LDLRAD4: variants seen among roughly 807,000 people sequenced by gnomAD.
LDLRAD4 encodes the protein low-density lipoprotein receptor class A domain-containing protein 4.
LDLRAD4 carries 5 observed loss-of-function variants against 17.0 expected under a neutral mutation model. The observed-to-expected ratio is 0.29, with a 90% CI of 0.15 to 0.62. The LOEUF is 0.62. LDLRAD4 is among the 20% of genes least tolerant of loss of function. The pLI, the probability that LDLRAD4 is intolerant of heterozygous loss-of-function variation, is 0.84. For synonymous variants in LDLRAD4, 168 were observed against 171.8 expected (o/e 0.98, Z 0.17); for missense variants, 340 against 424.7 (o/e 0.80, Z 1.75).
intron 2 of LDLRAD4, among the ~76,000 whole-genome samples, chr18:13,394,385 GA>G (rs2086497322): frequency 6.6e-6 from 1 of 152,032 alleles, no homozygotes; most frequent in Non-Finnish European, 1.5e-5. Context: ...ATAAGGATGA[GA>G]AATAATTTCA....
At chr18:13,550,306 G>A (rs1345146892) in intron 3 of LDLRAD4, among the ~76,000 whole-genome samples, 1 of 152,132 alleles carries the variant, frequency 6.6e-6, no homozygotes, top group Non-Finnish European at 1.5e-5. Context: ...ATAGGCAAAT[G>A]GTTTCATTCA....
chr18:13,652,512 G>A (rs746684560), exon 6 of LDLRAD4: 2 of 152,538 alleles, frequency 1.3e-5, no homozygotes, highest in Non-Finnish European at 2.9e-5. Context: ...ACAAACATTC[G>A]TGCTTACTTT....
intron 1 of LDLRAD4, among the ~76,000 whole-genome samples, chr18:13,330,351 T>A (rs1204805996): frequency 6.6e-6 from 1 of 152,184 alleles, no homozygotes; most frequent in Non-Finnish European, 1.5e-5. Flanking sequence ...AAATGTGGTA[T>A]TTTTTATTGT....
upstream of LDLRAD4, among the ~76,000 whole-genome samples, chr18:13,274,841 A>G (rs77161681): frequency 4.3e-3 from 660 of 152,330 alleles, 1 homozygote; most frequent in African/African-American, 0.015. Context: ...CTTGATTAAA[A>G]TAGTTAAAAA....
chr18:13,492,270 G>A (rs905292039), intron 3 of LDLRAD4, among the ~76,000 whole-genome samples: 6 of 152,246 alleles, frequency 3.9e-5, no homozygotes, highest in African/African-American at 1.2e-4. Flanking sequence ...ACGGAAAGGT[G>A]AATCCTGGAT....
chr18:13,624,598 G>A (rs2040951840), intron 4 of LDLRAD4, among the ~76,000 whole-genome samples: 1 of 152,200 alleles, frequency 6.6e-6, no homozygotes, highest in Admixed American at 6.5e-5. Flanking sequence ...GCTGTAGGAG[G>A]TGTTTGGGGC....
At chr18:13,445,379 G>C (rs1337647987) in intron 3 of LDLRAD4, among the ~76,000 whole-genome samples, 1 of 152,114 alleles carries the variant, frequency 6.6e-6, no homozygotes, top group Non-Finnish European at 1.5e-5. Flanking sequence ...GTGTGAGTCT[G>C]GTGTGTGCAT....
chr18:13,412,507 T>TTC (rs1305114948), intron 2 of LDLRAD4, among the ~76,000 whole-genome samples: 8 of 152,218 alleles, frequency 5.3e-5, no homozygotes, highest in Admixed American at 2.0e-4. Context: ...ATTCATTCAC[T>TTC]TCTCTCTCAT....
Position 13,367,669 on chromosome 18 carries a change from C to G in LDLRAD4, c.-382-19672C>G, listed in dbSNP as rs542191764. 6.6e-6 allele frequency among the ~76,000 whole-genome samples: 1 copy of G among 151,948 alleles called. No individual in the cohort carries two copies. Among genetic ancestry groups the G allele is most frequent in the South Asian group, 2.1e-4 (1 of 4,790 alleles). Reference sequence around the variant, plus strand: ...CCCCATCTGCTGTCAAGGAGTGTGCCGAGAGGGGACAGCCGGGCACGGGGG... The same window carrying G: ...CCCCATCTGCTGTCAAGGAGTGTGCGGAGAGGGGACAGCCGGGCACGGGGG... On this transcript the variant is annotated intron_variant, in intron 1 of 5. Coordinates refer to ENST00000359446, the Ensembl canonical transcript of LDLRAD4. This position sits in a 1 kb window ranked among gnomAD's most constrained non-coding sequence, Gnocchi z 4.1.
chr18:13,384,500 C>T (rs184440134), intron 1 of LDLRAD4, among the ~76,000 whole-genome samples: 1 of 152,298 alleles, frequency 6.6e-6, no homozygotes, highest in Non-Finnish European at 1.5e-5. Flanking sequence ...CAATGCAGTA[C>T]GTCACTAAAA....
At position 13,408,171 on chromosome 18, in the gene LDLRAD4, C is replaced by T. The variant is rs138140560; in HGVS notation, c.40+20409C>T. On this transcript the variant is annotated intron_variant, in intron 2 of 5. Transcript: ENST00000359446. ...AGAGGATCACTTGAGGCTGGGAGTT[C>T]GAGACCAGCTTGGGCAACATGGCGA... is the stretch of plus-strand genomic sequence containing the variant. Among the ~76,000 whole-genome samples, 1,340 of 152,028 alleles carry T rather than the reference C, an allele frequency of 8.8e-3. 23 individuals are homozygous for T. Among genetic ancestry groups the T allele is most frequent in the African/African-American group, 0.031 (1,268 of 41,472 alleles).
chr18:13,388,944 A>C (rs192514540), intron 2 of LDLRAD4, among the ~76,000 whole-genome samples: 1 of 152,280 alleles, frequency 6.6e-6, no homozygotes, highest in African/African-American at 2.4e-5. Flanking sequence ...CGTGCTGGTT[A>C]GCTTGGCAGC....
At chr18:13,612,157 T>A (rs1367553456) in intron 3 of LDLRAD4, 1 of 986,192 alleles carries the variant, frequency 1.0e-6, no homozygotes, top group East Asian at 1.1e-4. Context: ...TCCTCCTTTC[T>A]GTCTGGACTG....
chr18:13,346,190 C>G (rs1319948597), intron 1 of LDLRAD4, among the ~76,000 whole-genome samples: 2 of 152,078 alleles, frequency 1.3e-5, no homozygotes, highest in African/African-American at 4.8e-5. Flanking sequence ...AATTTTAGAT[C>G]TTCCTGCTTT....
intron 3 of LDLRAD4, among the ~76,000 whole-genome samples, chr18:13,609,534 T>TGTGTGTGC (rs1179837616): frequency 6.9e-5 from 1 of 14,494 alleles, no homozygotes; most frequent in Non-Finnish European, 5.1e-4. Flanking sequence ...TGTGTGCGTG[T>TGTGTGTGC]GTGTGTGTGT....
intron 3 of LDLRAD4, among the ~76,000 whole-genome samples, chr18:13,448,469 G>A (rs12456399): frequency 0.51 from 77,137 of 152,022 alleles, 21,123 homozygotes; most frequent in East Asian, 0.84. Flanking sequence ...AATCCCCAGC[G>A]CCTGCCTGGC....
intron 1 of LDLRAD4, among the ~76,000 whole-genome samples, chr18:13,368,778 T>C (rs1428783501): frequency 1.3e-5 from 2 of 152,242 alleles, no homozygotes; most frequent in Non-Finnish European, 2.9e-5. Flanking sequence ...ACTAGCTTAA[T>C]TTGCACTCTT....
At chr18:13,478,893 G>C (rs779989335) in intron 3 of LDLRAD4, among the ~76,000 whole-genome samples, 2 of 152,340 alleles carry the variant, frequency 1.3e-5, no homozygotes, top group South Asian at 2.1e-4. Flanking sequence ...AAAGCTACAG[G>C]CATCAAGATA....
At chr18:13,583,730 G>C (rs187270116) in intron 3 of LDLRAD4, among the ~76,000 whole-genome samples, 1 of 152,096 alleles carries the variant, frequency 6.6e-6, no homozygotes, top group African/African-American at 2.4e-5. Flanking sequence ...TGGGGGGCCC[G>C]GCCGCGCCGA....
Sources: gnomAD v4.1 joint callset for allele counts (sites outside exome capture counted in the v4.1 genomes callset) on GRCh38, gnomAD v4.1.1 for gene constraint, Gnocchi (gnomAD v3.1) non-coding constraint, MANE v1.5 for transcripts, NCBI Gene and HGNC (gene_info 2026-07-23, HGNC 2026-07-21) for gene names.